The following WIPF2 variants were observed in gnomAD, a reference collection of about 807,000 sequenced individuals.
The protein encoded by WIPF2 is WAS/WASL-interacting protein family member 2.
In WIPF2, 23 loss-of-function variants were observed where a neutral mutation model predicts 38.8. The ratio of observed to expected loss-of-function variants is 0.59; its 90% CI spans 0.43 to 0.84. WIPF2 has a LOEUF of 0.84. Ranked by LOEUF, WIPF2 falls within the 40% of genes least tolerant of loss-of-function variation. The probability of loss-of-function intolerance (pLI) is 0.00; values close to 1 mark genes in which losing one functional copy is unlikely to be tolerated. For synonymous variants in WIPF2, 210 were observed against 223.2 expected, an observed-to-expected ratio of 0.94 and a Z score of 0.53; for missense variants, 574 against 580.5, an observed-to-expected ratio of 0.99 and a Z score of 0.11.
At chr17:40,253,812 C>T (rs11078940) in intron 1 of WIPF2, among the ~76,000 whole-genome samples, 15,862 of 152,130 alleles carry the variant, frequency 0.1, 965 homozygotes, top group East Asian at 0.29. Flanking sequence ...ATTTTGAAGA[C>T]TTTTACTGTC....
intron 1 of WIPF2, among the ~76,000 whole-genome samples, chr17:40,238,454 C>T (rs1313090151): frequency 2.6e-5 from 4 of 151,982 alleles, no homozygotes; most frequent in African/African-American, 9.7e-5. Context: ...CAGGCACCCG[C>T]CATCATGCCC....
rs977469022 is a variant in WIPF2 at position 40,281,653 on chromosome 17, T to G, written c.*3428T>G. 6.6e-6 allele frequency: 1 copy of G among 152,486 alleles called. No individual in the cohort carries two copies. The highest frequency in any genetic ancestry group is 2.4e-5 in the African/African-American group (1 of 41,368). 9.4% of individuals were successfully genotyped at this position (152,486 alleles called of 1,614,324 possible). ...TCCCAACTTGAAACCCAGATTTACCTCCAGGGAGAGGTGAGAAAAAAATTG... is the reference window on the plus strand; with the variant it reads ...TCCCAACTTGAAACCCAGATTTACCGCCAGGGAGAGGTGAGAAAAAAATTG... On this transcript the variant is annotated 3_prime_UTR_variant, in exon 8 of 8. Coordinates refer to ENST00000323571, the MANE Select transcript of WIPF2 (RefSeq NM_133264.5).
At position 40,281,667 on chromosome 17, in the gene WIPF2, A is replaced by T. The variant is rs1424671139; in HGVS notation, c.*3442A>T. 1 of 152,618 alleles carries T rather than the reference A, an allele frequency of 6.6e-6. No homozygotes were observed. The highest frequency in any genetic ancestry group is 6.5e-5 in the Admixed American group (1 of 15,276). 9.5% of individuals were successfully genotyped at this position (152,618 alleles called of 1,614,324 possible). A position where few individuals can be genotyped will look rare whatever the true frequency, so the allele number is the denominator to read the frequency against. On this transcript the variant is annotated 3_prime_UTR_variant, in exon 8 of 8. Coordinates refer to ENST00000323571, the MANE Select transcript of WIPF2 (RefSeq NM_133264.5). ...CCAGATTTACCTCCAGGGAGAGGTG[A>T]GAAAAAAATTGTAAATAGACTTGCT... is the stretch of plus-strand genomic sequence containing the variant.
chr17:40,227,926 T>G (rs1182453835), intron 1 of WIPF2, among the ~76,000 whole-genome samples: 1 of 151,780 alleles, frequency 6.6e-6, no homozygotes, highest in East Asian at 1.9e-4. Flanking sequence ...ATTTCTTGTT[T>G]TTTTTTTTGT....
At position 40,282,445 on chromosome 17, in the gene WIPF2, G is replaced by A. The variant is rs1311949449; in HGVS notation, c.*4220G>A. ...ACTGAATAAATGACTAGAATGACAC[G>A]TGTGCGTGCGCACGCGTGTGCGTGT... On this transcript the variant is annotated 3_prime_UTR_variant, in exon 8 of 8. Transcript: ENST00000323571. 1 of 151,952 alleles carries A rather than the reference G, an allele frequency of 6.6e-6. No homozygotes were observed. Among genetic ancestry groups the A allele is most frequent in the Non-Finnish European group, 1.5e-5 (1 of 68,032 alleles). The allele number at this position is 151,952 out of a possible 1,614,324, so 9.4% of individuals were successfully genotyped here. A position where few individuals can be genotyped will look rare whatever the true frequency, so the allele number is the denominator to read the frequency against.
intron 3 of WIPF2, 67 bp downstream of exon 3, chr17:40,260,734 G>C (rs765234048): frequency 6.2e-7 from 1 of 1,609,428 alleles, no homozygotes; most frequent in Non-Finnish European, 8.5e-7. Flanking sequence ...ACTTGGCTGG[G>C]TTCTTATTTT....
Position 40,278,976 on chromosome 17 carries a change from C to T in WIPF2, c.*751C>T, listed in dbSNP as rs1486730636. 2.6e-5 allele frequency: 4 copies of T among 152,190 alleles called. No homozygotes were observed. The highest frequency in any genetic ancestry group is 2.0e-4 in the Admixed American group (3 of 15,272). The allele number at this position is 152,190 out of a possible 1,614,324, so 9.4% of individuals were successfully genotyped here. On this transcript the variant is annotated 3_prime_UTR_variant, in exon 8 of 8. Coordinates refer to ENST00000323571, the MANE Select transcript of WIPF2 (RefSeq NM_133264.5). ...GAGCCATTTGAACCCTCTGGGACCC[C>T]TCACCCCACTGCTTCAGGGTGCTAG... is the stretch of plus-strand genomic sequence containing the variant.
chr17:40,268,798 G>A (rs1490781191), intron 5 of WIPF2, among the ~76,000 whole-genome samples: 1 of 152,100 alleles, frequency 6.6e-6, no homozygotes, highest in African/African-American at 2.4e-5. Flanking sequence ...GATCATTTGA[G>A]TATTGCCTCG....
intron 5 of WIPF2, among the ~76,000 whole-genome samples, chr17:40,266,841 G>A (rs1207476930): frequency 6.6e-6 from 1 of 152,144 alleles, no homozygotes; most frequent in Non-Finnish European, 1.5e-5. Context: ...AGATAAAAAG[G>A]GTTGGCCTTA....
chr17:40,278,093 A>C (rs1377543618), intron 7 of WIPF2, 92 bp from the exon 8 acceptor site: 3 of 1,431,558 alleles, frequency 2.1e-6, no homozygotes, highest in Non-Finnish European at 2.9e-6. Context: ...GGTTAGCTTA[A>C]AGAGCCTGTC....
At position 40,283,590 on chromosome 17, in the gene WIPF2, T is replaced by C. The variant is rs2032597841; in HGVS notation, c.*5365T>C. The stretch of plus-strand genomic sequence containing the variant: ...CCACCTAACTCCCCTTTGCCCACGA[T>C]TTCAGGGAACCTAGGAGGCTTCCTG... On this transcript the variant is annotated 3_prime_UTR_variant, in exon 8 of 8. Coordinates refer to ENST00000323571, the MANE Select transcript of WIPF2 (RefSeq NM_133264.5). 2 of 152,160 alleles carry C rather than the reference T, an allele frequency of 1.3e-5. No individual in the cohort carries two copies. The highest frequency in any genetic ancestry group is 2.4e-5 in the African/African-American group (1 of 41,434). The allele number at this position is 152,160 out of a possible 1,614,324, so 9.4% of individuals were successfully genotyped here. A position where few individuals can be genotyped will look rare whatever the true frequency, so the allele number is the denominator to read the frequency against.
intron 1 of WIPF2, among the ~76,000 whole-genome samples, chr17:40,230,465 A>C (rs1419804678): frequency 6.6e-6 from 1 of 152,186 alleles, no homozygotes; most frequent in African/African-American, 2.4e-5. Flanking sequence ...GTCATAAAGA[A>C]GTCTGATGCT....
rs1456689971 is a variant in WIPF2, at chr17:40,284,050, C to T, written c.*5825C>T. On this transcript the variant is annotated 3_prime_UTR_variant, in exon 8 of 8. Coordinates refer to ENST00000323571, the MANE Select transcript of WIPF2 (RefSeq NM_133264.5). Reference sequence around the variant, plus strand: ...AAAAAGGACTCCTTTCATTTTCATCCGTACTTCCCAGATGGGCTGAATCTC... The same window carrying T: ...AAAAAGGACTCCTTTCATTTTCATCTGTACTTCCCAGATGGGCTGAATCTC... The T allele has an allele frequency of 6.6e-6, 1 of 152,156 alleles. No homozygotes were observed. Among genetic ancestry groups the T allele is most frequent in the East Asian group, 1.9e-4 (1 of 5,204 alleles). The allele number at this position is 152,156 out of a possible 1,614,324, so 9.4% of individuals were successfully genotyped here. A position where few individuals can be genotyped will look rare whatever the true frequency, so the allele number is the denominator to read the frequency against.
intron 5 of WIPF2, among the ~76,000 whole-genome samples, chr17:40,267,900 T>C (rs2032141550): frequency 6.6e-6 from 1 of 152,132 alleles, no homozygotes; most frequent in Admixed American, 6.6e-5. Context: ...CCCAGCACTT[T>C]GGAAGGTTGA....
At position 40,278,419 on chromosome 17, in the gene WIPF2, A is replaced by G. The variant is rs2032474273; in HGVS notation, c.*194A>G. The G allele has an allele frequency of 1.3e-5, 8 of 623,522 alleles. No individual in the cohort carries two copies. Among genetic ancestry groups the G allele is most frequent in the Non-Finnish European group, 1.9e-5 (7 of 362,910 alleles). The allele number at this position is 623,522 out of a possible 1,614,324, so 38.6% of individuals were successfully genotyped here. On this transcript the variant is annotated 3_prime_UTR_variant, in exon 8 of 8. Coordinates refer to ENST00000323571, the MANE Select transcript of WIPF2 (RefSeq NM_133264.5). Reference sequence around the variant, plus strand: ...TCTCTGGATTTGGTGATCAGACTCTATATTGACAGTAGGATCTCAAACCCT... The same window carrying G: ...TCTCTGGATTTGGTGATCAGACTCTGTATTGACAGTAGGATCTCAAACCCT...
intron 1 of WIPF2, among the ~76,000 whole-genome samples, chr17:40,242,402 G>T (rs117930242): frequency 0.07 from 10,443 of 149,942 alleles, 477 homozygotes; most frequent in Middle Eastern, 0.11. Flanking sequence ...GAAATTTTTT[G>T]TTGTTGTTGT....
At position 40,242,552 on chromosome 17, in the gene WIPF2, G is replaced by A. The variant is rs553314657; in HGVS notation, c.-69-13839G>A. On this transcript the variant is annotated intron_variant, in intron 1 of 7. Transcript: ENST00000323571. The stretch of plus-strand genomic sequence containing the variant: ...GTAGCTGGGATTACAGGCGCCCGCC[G>A]CCACGCCTGGCTAATTTTTTTGTAT... 1.2e-3 allele frequency among the ~76,000 whole-genome samples: 186 copies of A among 151,988 alleles called. 4 individuals are homozygous for A. The highest frequency in any genetic ancestry group is 4.0e-3 in the African/African-American group (164 of 41,454).
intron 5 of WIPF2, among the ~76,000 whole-genome samples, chr17:40,267,232 A>C (rs2032115537): frequency 6.6e-6 from 1 of 152,110 alleles, no homozygotes; most frequent in Non-Finnish European, 1.5e-5. Context: ...GCTGTGTTTA[A>C]CCAGCGTTAG....
intron 1 of WIPF2, among the ~76,000 whole-genome samples, chr17:40,247,168 G>A (rs1384568262): frequency 7.1e-6 from 1 of 141,342 alleles, no homozygotes; most frequent in African/African-American, 2.6e-5. Flanking sequence ...GGACATAGGT[G>A]TATGAAATGT....
Sources: gnomAD v4.1 joint callset for allele counts (sites outside exome capture counted in the v4.1 genomes callset) on GRCh38, gnomAD v4.1.1 for gene constraint, MANE v1.5 for transcripts, NCBI Gene and HGNC (gene_info 2026-07-23, HGNC 2026-07-21) for gene names.